Variants in STIMATE observed in about 807,000 individuals in gnomAD.
STIMATE encodes the protein STIM activating enhancer, also known as store-operated calcium entry regulator STIMATE.
Under a neutral mutation model 36.7 loss-of-function variants are expected in STIMATE, and 15 were observed. The observed-to-expected ratio is 0.41, with a 90% CI of 0.27 to 0.63. The LOEUF is 0.63. STIMATE is among the 20% of genes least tolerant of loss of function. The pLI is 0.32. For missense variants in STIMATE, 305 were observed against 397.3 expected (o/e 0.77, Z 1.98); for synonymous variants, 163 against 162.3 (o/e 1.00, Z -0.03).
At chr3:52,844,099 G>C (rs1226160118) in intron 5 of STIMATE, among the ~76,000 whole-genome samples, 1 of 152,176 alleles carries the variant, frequency 6.6e-6, no homozygotes, top group East Asian at 1.9e-4. Context: ...GGAGAGTGGA[G>C]TGTGGGCTTC....
Position 52,838,261 on chromosome 3 carries a change from A to G in STIMATE, c.*2233T>C, listed in dbSNP as rs2106640169. On this transcript the variant is annotated 3_prime_UTR_variant, in exon 8 of 8. Coordinates refer to ENST00000355083, the MANE Select transcript of STIMATE (RefSeq NM_198563.5). ...AGACCATCTGAGATCTATATAACCC[A>G]GGGTTTGTTTCACAGCTTTCATAGA... The G allele has an allele frequency of 6.6e-6, 1 of 152,262 alleles. No individual in the cohort carries two copies. Among genetic ancestry groups the G allele is most frequent in the South Asian group, 2.1e-4 (1 of 4,822 alleles). 9.4% of individuals were successfully genotyped at this position (152,262 alleles called of 1,614,324 possible).
At chr3:52,889,193 C>G (rs1479241494) in intron 1 of STIMATE, among the ~76,000 whole-genome samples, 1 of 152,210 alleles carries the variant, frequency 6.6e-6, no homozygotes, top group Non-Finnish European at 1.5e-5. Context: ...CATGACTATC[C>G]TGCCGTAGTA....
At chr3:52,850,767 ATTG>A (rs1700984447) in intron 3 of STIMATE, among the ~76,000 whole-genome samples, 1 of 152,124 alleles carries the variant, frequency 6.6e-6, no homozygotes, top group Non-Finnish European at 1.5e-5. Flanking sequence ...GTCTCCCTCT[ATTG>A]CCCATGCTGG....
intron 1 of STIMATE, among the ~76,000 whole-genome samples, chr3:52,878,850 A>C (rs1701553941): frequency 6.6e-6 from 1 of 152,140 alleles, no homozygotes; most frequent in Non-Finnish European, 1.5e-5. Flanking sequence ...AGCCGATAGG[A>C]CACTGCCTTC....
chr3:52,877,473 G>C (rs1011812750), intron 1 of STIMATE, among the ~76,000 whole-genome samples: 1 of 152,244 alleles, frequency 6.6e-6, no homozygotes, highest in Non-Finnish European at 1.5e-5. Flanking sequence ...AGAAACAGCA[G>C]TAAGAGTAGG....
At chr3:52,879,297 C>T (rs1303819780) in intron 1 of STIMATE, among the ~76,000 whole-genome samples, 1 of 152,166 alleles carries the variant, frequency 6.6e-6, no homozygotes, top group Admixed American at 6.5e-5. Flanking sequence ...CAGCAGACAG[C>T]AGCCAAGGCA....
intron 1 of STIMATE, among the ~76,000 whole-genome samples, chr3:52,867,652 C>T (rs1027579862): frequency 1.3e-5 from 2 of 152,258 alleles, no homozygotes; most frequent in African/African-American, 4.8e-5. Context: ...TCCTGCAACA[C>T]AGGCGAGTGC....
At chr3:52,850,457 G>A (rs1374730023) in intron 3 of STIMATE, among the ~76,000 whole-genome samples, 1 of 48,266 alleles carries the variant, frequency 2.1e-5, no homozygotes, top group East Asian at 9.0e-4. Flanking sequence ...ACAAAAACCT[G>A]CCAGTGCTTC....
intron 2 of STIMATE, 68 bp downstream of exon 2, chr3:52,855,327 CA>C: frequency 1.3e-6 from 2 of 1,567,982 alleles, no homozygotes; most frequent in Non-Finnish European, 1.7e-6. Flanking sequence ...CACCATACCC[CA>C]CCCCCAGCCC....
At chr3:52,866,311 G>A (rs555191351) in intron 1 of STIMATE, among the ~76,000 whole-genome samples, 134 of 152,364 alleles carry the variant, frequency 8.8e-4, no homozygotes, top group African/African-American at 2.9e-3. Flanking sequence ...GCACGGCTGC[G>A]GCGTGCACCC....
At chr3:52,847,973 G>C (rs1700936541) in intron 4 of STIMATE, 1 of 167,168 alleles carries the variant, frequency 6.0e-6, no homozygotes, top group Non-Finnish European at 1.3e-5. Context: ...AGGCTGGAAA[G>C]GGCGAGAAAA....
Position 52,874,929 on chromosome 3 carries a change from G to A in STIMATE, c.161-19485C>T, listed in dbSNP as rs567782563. ...GACTAAATTACAATTTTGCACATTA[G>A]ATAATTAAAAACCTTCCTCAAACCC... On this transcript the variant is annotated intron_variant, in intron 1 of 7. Transcript: ENST00000355083. Among the ~76,000 whole-genome samples the A allele has an allele frequency of 3.3e-5, 5 of 152,310 alleles. No individual in the cohort carries two copies. The South Asian group carries it at 1.0e-3, about 32-fold the overall frequency.
At chr3:52,847,154 C>A (rs543580738) in intron 4 of STIMATE, 1 of 884,280 alleles carries the variant, frequency 1.1e-6, no homozygotes, top group African/African-American at 1.8e-5. Flanking sequence ...AAGCGATCCT[C>A]CCCGCTTAAG....
intron 4 of STIMATE, chr3:52,847,522 T>G: frequency 7.8e-7 from 1 of 1,289,790 alleles, no homozygotes; most frequent in Non-Finnish European, 1.0e-6. Flanking sequence ...GAGTCCCGCA[T>G]TCTCATCAGC....
chr3:52,845,415 C>G (rs1700876483), intron 4 of STIMATE, among the ~76,000 whole-genome samples: 1 of 152,192 alleles, frequency 6.6e-6, no homozygotes, highest in South Asian at 2.1e-4. Context: ...TCCCACCTCC[C>G]CACCTCCCAT....
intron 4 of STIMATE, chr3:52,848,006 A>C (rs1292904448): frequency 6.3e-6 from 1 of 159,522 alleles, no homozygotes; most frequent in Non-Finnish European, 1.4e-5. Flanking sequence ...AGGCTCCAGA[A>C]GCCAGCCCCA....
At chr3:52,844,298 C>T (rs1051185803) in intron 5 of STIMATE, among the ~76,000 whole-genome samples, 4 of 152,256 alleles carry the variant, frequency 2.6e-5, no homozygotes, top group Non-Finnish European at 2.9e-5. Flanking sequence ...AGCTGAGCCA[C>T]TTGTTCTCAA....
intron 1 of STIMATE, among the ~76,000 whole-genome samples, chr3:52,869,851 G>C (rs1276191201): frequency 6.6e-6 from 1 of 152,224 alleles, no homozygotes; most frequent in Non-Finnish European, 1.5e-5. Context: ...TGTGGGACCA[G>C]GGAGACTTGC....
intron 4 of STIMATE, among the ~76,000 whole-genome samples, chr3:52,845,506 T>C (rs1700878497): frequency 6.6e-6 from 1 of 152,156 alleles, no homozygotes; most frequent in Non-Finnish European, 1.5e-5. Context: ...ATTTGGACTC[T>C]ACCTGTCCAG....
Sources: gnomAD v4.1 joint callset for allele counts (sites outside exome capture counted in the v4.1 genomes callset) on GRCh38, gnomAD v4.1.1 for gene constraint, MANE v1.5 for transcripts, NCBI Gene and HGNC (gene_info 2026-07-23, HGNC 2026-07-21) for gene names.